Variants in GJB1 observed in about 807,000 individuals in gnomAD.
The protein encoded by GJB1 is gap junction beta-1 protein.
In GJB1, 1 loss-of-function variant was observed where a neutral mutation model predicts 12.0. The observed-to-expected ratio is 0.08, with a 90% CI of 0.03 to 0.40. The LOEUF is 0.40. Among genes scored for constraint, GJB1 ranks in the 10% least tolerant of loss-of-function variants. The pLI is 0.98. For synonymous variants in GJB1, 114 were observed against 102.8 expected, an observed-to-expected ratio of 1.11 and a Z score of -0.66; for missense variants, 140 against 250.3, an observed-to-expected ratio of 0.56 and a Z score of 2.97.
chrX:71,224,109 C>A lies in GJB1; in HGVS notation c.402C>A (p.Thr134=). 8.3e-7 allele frequency: 1 copy of A among 1,207,291 alleles called. No individual in the cohort carries two copies. The change falls in exon 2 of 2, where the codon ACC becomes ACA. Residue 134 remains threonine (T), a synonymous_variant. Coordinates refer to ENST00000361726, the MANE Select transcript of GJB1 (RefSeq NM_000166.6). ...KVHISGTLWW[T]YVISVVFRLL... ...ACATCTCAGGGACACTGTGGTGGAC[C>A]TATGTCATCAGCGTGGTGTTCCGGC...
At position 71,224,671 on chromosome X, in the gene GJB1, A is replaced by ACCTTCCTTCCCTGGCTACTTC; in HGVS notation, c.*120_*140dup. On this transcript the variant is annotated 3_prime_UTR_variant, in exon 2 of 2. Transcript: ENST00000361726. The stretch of plus-strand genomic sequence containing the variant: ...GCCTGCTGGGGATTACTCGATCAAA[A>ACCTTCCTTCCCTGGCTACTTC]CCTTCCTTCCCTGGCTACTTCCCTT... The ACCTTCCTTCCCTGGCTACTTC allele has an allele frequency of 1.4e-6, 1 of 711,465 alleles. No individual in the cohort carries two copies. Among genetic ancestry groups the ACCTTCCTTCCCTGGCTACTTC allele is most frequent in the Non-Finnish European group, 2.2e-6 (1 of 463,438 alleles). 58.6% of individuals were successfully genotyped at this position (711,465 alleles called of 1,213,427 possible).
chrX:71,220,889 C>CTTTTTTTTTTTTTTTTT (rs1491472340), upstream of GJB1, among the ~76,000 whole-genome samples: 4 of 52,746 alleles, frequency 7.6e-5, no homozygotes, highest in African/African-American at 2.1e-4. Flanking sequence ...TTGTTTCTTT[C>CTTTTTTTTTTTTTTTTT]CTTTTTTTTT....
chrX:71,218,980 C>T (rs924906048), upstream of GJB1, among the ~76,000 whole-genome samples: 8 of 110,050 alleles, frequency 7.3e-5, no homozygotes, highest in Non-Finnish European at 1.5e-4. Context: ...TAGATAAGTC[C>T]TTTCACCTTT....
chrX:71,222,673 A>G, upstream of GJB1: 1 of 109,543 alleles, frequency 9.1e-6, no homozygotes. Context: ...CCGCTTTGGA[A>G]CGGTGTGACC....
chrX:71,222,990 C>A (rs2092540492), upstream of GJB1, among the ~76,000 whole-genome samples: 1 of 111,020 alleles, frequency 9.0e-6, no homozygotes, highest in African/African-American at 3.3e-5. Context: ...TCCCCCCGCC[C>A]CCCCGTGGCC....
chrX:71,221,792 G>T (rs1311814830), upstream of GJB1, among the ~76,000 whole-genome samples: 2 of 110,866 alleles, frequency 1.8e-5, no homozygotes, highest in Non-Finnish European at 3.8e-5. Flanking sequence ...TGCACTTGGG[G>T]TTGGGGGCTG....
chrX:71,218,376 T>C (rs1177367483), upstream of GJB1, among the ~76,000 whole-genome samples: 1 of 98,770 alleles, frequency 1.0e-5, no homozygotes, highest in Non-Finnish European at 2.0e-5. Flanking sequence ...GTTTTGAATC[T>C]CCCTGTTCCT....
At chrX:71,221,769 C>G (rs182954770), upstream of GJB1, among the ~76,000 whole-genome samples, 20 of 111,138 alleles carry the variant, frequency 1.8e-4, no homozygotes, top group Non-Finnish European at 3.4e-4. Flanking sequence ...CCTGAAACCA[C>G]GAGGTTGCAA....
chrX:71,220,648 G>C (rs779161862), upstream of GJB1, among the ~76,000 whole-genome samples: 10 of 102,334 alleles, frequency 9.8e-5, no homozygotes, highest in African/African-American at 2.9e-4. Context: ...CTGGGATTAC[G>C]GGTGCCCGCC....
chrX:71,221,239 A>G (rs1260081515), upstream of GJB1, among the ~76,000 whole-genome samples: 2 of 112,200 alleles, frequency 1.8e-5, no homozygotes, highest in Non-Finnish European at 3.8e-5. Context: ...AGCTTTGCAT[A>G]TAGAATCCCA....
intron 1 of GJB1, among the ~76,000 whole-genome samples, chrX:71,216,726 C>G (rs2092526451): frequency 9.0e-6 from 1 of 111,028 alleles, no homozygotes; most frequent in South Asian, 3.8e-4. Context: ...CTGACCCAAG[C>G]CTGGCCACGG....
At position 71,223,608 on chromosome X, in the gene GJB1, A is replaced by AG. The variant is rs1387612056; in HGVS notation, c.-16-77dup. 9.8e-5 allele frequency: 87 copies of AG among 884,853 alleles called. No individual in the cohort carries two copies. The Middle Eastern group carries it at 2.0e-3, about 20-fold the overall frequency. The allele number at this position is 884,853 out of a possible 1,213,427, so 72.9% of individuals were successfully genotyped here. A position where few individuals can be genotyped will look rare whatever the true frequency, so the allele number is the denominator to read the frequency against. Reference sequence around the variant, plus strand: ...CTGCTACTGGCTCTTGGAAGAGTTGAGGGGGGGTGCGCAGGCAGTGCTATG... The same window carrying AG: ...CTGCTACTGGCTCTTGGAAGAGTTGAGGGGGGGGTGCGCAGGCAGTGCTATG... On this transcript the variant is annotated intron_variant, in intron 1 of 1. Transcript: ENST00000361726.
upstream of GJB1, among the ~76,000 whole-genome samples, chrX:71,220,329 CT>C (rs761096014): frequency 2.1e-3 from 190 of 92,661 alleles, no homozygotes; most frequent in Middle Eastern, 5.5e-3. Context: ...TGTGCCCGGC[CT>C]TTTTTTTTTT....
chrX:71,221,213 T>C (rs1018714286), upstream of GJB1, among the ~76,000 whole-genome samples: 3 of 112,215 alleles, frequency 2.7e-5, no homozygotes, highest in Non-Finnish European at 5.6e-5. Context: ...TGGCTAACTG[T>C]GGTGCCTAGT....
At chrX:71,217,851 A>G (rs1359730192) in intron 1 of GJB1, 1 of 110,017 alleles carries the variant, frequency 9.1e-6, no homozygotes, top group African/African-American at 3.3e-5. Context: ...AGAGAAGAGA[A>G]CAGCTAAGGT....
rs769431173 is a variant in GJB1 at position 71,217,210 on chromosome X, CT to C, written c.-17+1941del. On this transcript the variant is annotated intron_variant, in intron 1 of 1. Transcript: ENST00000374029. ...AGGCCTGGTCTCAGAATGCAAACTCCTTAAAGGAAGAGAGGCCGCCATAAGC... is the reference window on the plus strand; with the variant it reads ...AGGCCTGGTCTCAGAATGCAAACTCCTAAAGGAAGAGAGGCCGCCATAAGC... Among the ~76,000 whole-genome samples the C allele has an allele frequency of 1.1e-4, 12 of 110,718 alleles. No homozygotes were observed. In the East Asian group the frequency reaches 3.5e-3, roughly 32 times the overall value.
chrX:71,217,779 G>T (rs1030829990), intron 1 of GJB1: 2 of 110,702 alleles, frequency 1.8e-5, no homozygotes, highest in Admixed American at 9.7e-5. Context: ...AAAAGGCGGG[G>T]AGTTACAAGA....
At position 71,216,015 on chromosome X, in the gene GJB1, G is replaced by A. The variant is rs191334433; in HGVS notation, c.-17+744G>A. The stretch of plus-strand genomic sequence containing the variant: ...GCCTCCCGAGTAGCTGGGATTACAG[G>A]CATGCACCACCATGCCTGGCTAATT... On this transcript the variant is annotated intron_variant, in intron 1 of 1. Transcript: ENST00000374029. Among the ~76,000 whole-genome samples the A allele has an allele frequency of 3.2e-4, 35 of 110,163 alleles. No individual in the cohort carries two copies. In the East Asian group the frequency reaches 9.7e-3, roughly 30 times the overall value.
At chrX:71,221,787 T>A (rs1018645925), upstream of GJB1, among the ~76,000 whole-genome samples, 2 of 110,690 alleles carry the variant, frequency 1.8e-5, no homozygotes, top group Non-Finnish European at 3.8e-5. Flanking sequence ...CAATATGCAC[T>A]TGGGGTTGGG....
Sources: allele counts gnomAD v4.1 joint callset (sites outside exome capture counted in the v4.1 genomes callset), GRCh38; gene constraint gnomAD v4.1.1; transcripts MANE v1.5; gene names NCBI Gene and HGNC (gene_info 2026-07-23, HGNC 2026-07-21).